CPEB1: variants seen among roughly 807,000 people sequenced by gnomAD.
CPEB1 encodes cytoplasmic polyadenylation element-binding protein 1.
Under a neutral mutation model 65.8 loss-of-function variants are expected in CPEB1, and 7 were observed. The ratio of observed to expected loss-of-function variants is 0.11; its 90% CI spans 0.06 to 0.20. The LOEUF (loss-of-function observed/expected upper bound fraction) is 0.20. CPEB1 is among the 10% of genes least tolerant of loss of function. The pLI, the probability that CPEB1 is intolerant of heterozygous loss-of-function variation, is 1.00. For missense variants in CPEB1, 551 were observed against 712.2 expected (o/e 0.77, Z 2.58); for synonymous variants, 262 against 260.0 (o/e 1.01, Z -0.08).
At chr15:82,643,682 T>G (rs1199556949) in intron 1 of CPEB1, among the ~76,000 whole-genome samples, 1 of 151,972 alleles carries the variant, frequency 6.6e-6, no homozygotes, top group East Asian at 1.9e-4. Flanking sequence ...CATACCCCTT[T>G]ACATCCGTAA....
At chr15:82,575,070 A>C (rs554805994) in intron 3 of CPEB1, among the ~76,000 whole-genome samples, 101 of 152,332 alleles carry the variant, frequency 6.6e-4, no homozygotes, top group Non-Finnish European at 1.3e-3. Flanking sequence ...GAAAATAAAA[A>C]CAGAAAGGTC....
chr15:82,554,360 T>A (rs899904782), intron 6 of CPEB1, among the ~76,000 whole-genome samples: 1 of 152,246 alleles, frequency 6.6e-6, no homozygotes, highest in Admixed American at 6.5e-5. Context: ...AAAATAAACA[T>A]AGCAATACAA....
intron 3 of CPEB1, among the ~76,000 whole-genome samples, chr15:82,596,599 G>T (rs2042680694): frequency 6.6e-6 from 1 of 150,850 alleles, no homozygotes; most frequent in South Asian, 2.1e-4. Context: ...TCGGGAGGCT[G>T]AGGCATGAGA....
At chr15:82,622,923 C>T (rs903859581) in intron 3 of CPEB1, among the ~76,000 whole-genome samples, 38 of 152,280 alleles carry the variant, frequency 2.5e-4, no homozygotes, top group African/African-American at 8.7e-4. Flanking sequence ...CTTATGTGAT[C>T]CTCTTTATAA....
rs1468196221 is a variant in CPEB1, at chr15:82,647,186, C to T, written c.-147G>A. 1 of 152,664 alleles carries T rather than the reference C, an allele frequency of 6.6e-6. No homozygotes were observed. Among genetic ancestry groups the T allele is most frequent in the African/African-American group, 2.4e-5 (1 of 41,470 alleles). The allele number at this position is 152,664 out of a possible 1,614,324, so 9.5% of individuals were successfully genotyped here. A position where few individuals can be genotyped will look rare whatever the true frequency, so the allele number is the denominator to read the frequency against. On this transcript the variant is annotated 5_prime_UTR_variant, in exon 1 of 13. Coordinates refer to ENST00000684509, the MANE Select transcript of CPEB1 (RefSeq NM_001365242.1). Reference sequence around the variant, plus strand: ...CTCCCGGGCACGAAGCCCCGCCAGTCTTCCGCCCTCGCGCCACACTACCTG... The same window carrying T: ...CTCCCGGGCACGAAGCCCCGCCAGTTTTCCGCCCTCGCGCCACACTACCTG...
intron 6 of CPEB1, among the ~76,000 whole-genome samples, chr15:82,554,809 G>C (rs574187869): frequency 1.3e-5 from 2 of 152,234 alleles, no homozygotes; most frequent in Admixed American, 6.5e-5. Flanking sequence ...TAGGCCCAAC[G>C]TGTTGCTACA....
intron 3 of CPEB1, among the ~76,000 whole-genome samples, chr15:82,608,828 T>A (rs1200082579): frequency 1.3e-5 from 2 of 152,322 alleles, no homozygotes; most frequent in African/African-American, 4.8e-5. Flanking sequence ...GGAAACTGTA[T>A]ACTTGAACAC....
upstream of CPEB1, chr15:82,647,792 G>T: frequency 8.0e-7 from 1 of 1,250,090 alleles, no homozygotes; most frequent in Non-Finnish European, 1.0e-6. Flanking sequence ...CCGGCTGCGC[G>T]CGGACCGTTA....
At chr15:82,624,446 T>C (rs371832323) in intron 3 of CPEB1, among the ~76,000 whole-genome samples, 1 of 152,206 alleles carries the variant, frequency 6.6e-6, no homozygotes, top group East Asian at 1.9e-4. Context: ...TTTATCTCAC[T>C]GCCCAGGGTC....
chr15:82,569,353 A>G (rs956726248), intron 4 of CPEB1, among the ~76,000 whole-genome samples: 1 of 152,186 alleles, frequency 6.6e-6, no homozygotes, highest in East Asian at 1.9e-4. Flanking sequence ...CTCAACCCTC[A>G]GAAAGGAAAA....
chr15:82,565,294 G>A (rs987592044), intron 4 of CPEB1, among the ~76,000 whole-genome samples: 1 of 152,170 alleles, frequency 6.6e-6, no homozygotes, highest in African/African-American at 2.4e-5. Context: ...ACAATGGAAA[G>A]AAAGCAGCAA....
At chr15:82,547,012 C>A in intron 11 of CPEB1, 131 bp downstream of exon 11, 1 of 637,498 alleles carries the variant, frequency 1.6e-6, no homozygotes, top group Non-Finnish European at 2.8e-6. Flanking sequence ...AATGTTAATT[C>A]TCAGGAATTT....
At chr15:82,582,612 CA>C (rs1178171889) in intron 3 of CPEB1, among the ~76,000 whole-genome samples, 16 of 152,004 alleles carry the variant, frequency 1.1e-4, no homozygotes, top group Non-Finnish European at 1.8e-4. Context: ...TTTCTAGACC[CA>C]GGTCTACACT....
chr15:82,648,169 C>T, upstream of CPEB1: 1 of 332,072 alleles, frequency 3.0e-6, no homozygotes, highest in Admixed American at 4.9e-5. Context: ...CCGCTGCTAG[C>T]CACAGCTGCC....
chr15:82,559,541 G>A (rs918858184), intron 4 of CPEB1, among the ~76,000 whole-genome samples: 1 of 152,144 alleles, frequency 6.6e-6, no homozygotes, highest in Non-Finnish European at 1.5e-5. Flanking sequence ...CCAACACCTG[G>A]TTTGGTCAAT....
intron 3 of CPEB1, among the ~76,000 whole-genome samples, chr15:82,615,835 G>C (rs1483064831): frequency 6.6e-6 from 1 of 151,912 alleles, no homozygotes. Context: ...TTAACTTCTA[G>C]GTACATACTC....
intron 1 of CPEB1, among the ~76,000 whole-genome samples, chr15:82,634,885 T>A (rs1450204522): frequency 6.6e-6 from 1 of 152,118 alleles, no homozygotes. Flanking sequence ...TGAAACAGAG[T>A]CTCGCTCTGT....
intron 3 of CPEB1, among the ~76,000 whole-genome samples, chr15:82,580,849 C>CT (rs113794355): frequency 0.52 from 75,930 of 147,148 alleles, 19,653 homozygotes; most frequent in African/African-American, 0.63. Flanking sequence ...TCCCCAATTT[C>CT]TTTTTTTTTT....
At chr15:82,571,925 A>T (rs1340197802) in intron 3 of CPEB1, 14 of 908,944 alleles carry the variant, frequency 1.5e-5, no homozygotes, top group Non-Finnish European at 1.7e-5. Context: ...ACAGCACAAC[A>T]GCTACTTGGA....
Sources: gnomAD v4.1 joint callset for allele counts (sites outside exome capture counted in the v4.1 genomes callset) on GRCh38, gnomAD v4.1.1 for gene constraint, MANE v1.5 for transcripts, NCBI Gene and HGNC (gene_info 2026-07-23, HGNC 2026-07-21) for gene names.